The following MLX variants were observed in gnomAD, a reference collection of about 807,000 sequenced individuals.
MLX encodes MAX dimerization protein MLX.
A neutral mutation model predicts 33.0 loss-of-function variants in MLX; 15 were observed. The ratio of observed to expected loss-of-function variants is 0.45; its 90% CI spans 0.30 to 0.70. MLX has a LOEUF of 0.70. Among genes scored for constraint, MLX ranks in the 30% least tolerant of loss-of-function variants. The probability of loss-of-function intolerance (pLI) is 0.07; values close to 1 mark genes in which losing one functional copy is unlikely to be tolerated. For missense variants in MLX, 285 were observed against 306.3 expected (o/e 0.93, Z 0.52); for synonymous variants, 115 against 115.6 (o/e 0.99, Z 0.03).
At chr17:42,571,425 C>T in intron 7 of MLX, 122 bp from the exon 8 acceptor site, 1 of 1,055,510 alleles carries the variant, frequency 9.5e-7, no homozygotes, top group East Asian at 2.4e-5. Context: ...CCACACCTGG[C>T]CCCCGGGGGG....
intron 4 of MLX, 127 bp from the exon 5 acceptor site, chr17:42,569,077 C>T: frequency 1.6e-6 from 2 of 1,262,790 alleles, no homozygotes; most frequent in Non-Finnish European, 2.3e-6. Flanking sequence ...GGCACAAACA[C>T]CTCCCTTGCA....
Position 42,572,812 on chromosome 17 carries a change from C to A in MLX, c.*1209C>A, listed in dbSNP as rs1238520417. 4 of 866,706 alleles carry A rather than the reference C, an allele frequency of 4.6e-6. No homozygotes were observed. In the South Asian group the frequency reaches 5.6e-5, roughly 12 times the overall value. 53.7% of individuals were successfully genotyped at this position (866,706 alleles called of 1,614,324 possible). A position where few individuals can be genotyped will look rare whatever the true frequency, so the allele number is the denominator to read the frequency against. ...AGCCACCAGCCCTCATCCTCTCTAC[C>A]CAGTGCTCTGGTTTATGCTTGTCTC... On this transcript the variant is annotated 3_prime_UTR_variant, in exon 8 of 8. Coordinates refer to ENST00000435881, the MANE Select transcript of MLX (RefSeq NM_198204.2).
At chr17:42,567,491 T>C in intron 1 of MLX, 128 bp from the exon 2 acceptor site, 1 of 1,514,064 alleles carries the variant, frequency 6.6e-7, no homozygotes, top group Non-Finnish European at 9.0e-7. Flanking sequence ...GCTGTGTGTG[T>C]GCAAGCGCGC....
In MLX at chr17:42,568,415, G is replaced by GGTCT; in HGVS notation, c.80-53_80-50dup. On this transcript the variant is annotated intron_variant, in intron 2 of 7. Coordinates refer to ENST00000435881, the MANE Select transcript of MLX (RefSeq NM_198204.2). ...CCATTGTGTCCTACAGGTGTCTGAGGGTCTGGCAATGTTCCCCACCCCACC... is the reference window on the plus strand; with the variant it reads ...CCATTGTGTCCTACAGGTGTCTGAGGGTCTGTCTGGCAATGTTCCCCACCCCACC... 3 of 1,241,792 alleles carry GGTCT rather than the reference G, an allele frequency of 2.4e-6. No individual in the cohort carries two copies. In the South Asian group the frequency reaches 3.7e-5, roughly 15 times the overall value. 76.9% of individuals were successfully genotyped at this position (1,241,792 alleles called of 1,614,324 possible).
chr17:42,568,748 C>T, intron 3 of MLX, 89 bp from the exon 4 acceptor site: 1 of 1,229,904 alleles, frequency 8.1e-7, no homozygotes, highest in Non-Finnish European at 1.2e-6. Context: ...TCTCTGGACA[C>T]CAGGTTCTTC....
chr17:42,568,907 C>A lies in MLX; in HGVS notation c.240C>A (p.His80Gln). 6.2e-7 allele frequency: 1 copy of A among 1,611,304 alleles called. No individual in the cohort carries two copies. The highest frequency in any genetic ancestry group is 2.2e-5 in the East Asian group (1 of 44,814). ...ESYKDRRRRA[H>Q]TQAEQKRRDA... ...ACAAAGACCGGCGGCGGCGCGCACACACTCAGGCTGAGCAGAAGAGGAGGG... is the reference window on the plus strand; with the variant it reads ...ACAAAGACCGGCGGCGGCGCGCACAAACTCAGGCTGAGCAGAAGAGGAGGG... The change falls in exon 4 of 8, where the codon CAC (histidine) becomes CAA (glutamine). Residue 80 changes from histidine to glutamine, a missense_variant. By Grantham distance (24) the His-to-Gln change is conservative. Coordinates refer to ENST00000435881, the MANE Select transcript of MLX (RefSeq NM_198204.2).
Position 42,572,583 on chromosome 17 carries a change from C to CCAAA in MLX, c.*980_*981insCAAA. 1 of 453,862 alleles carries CCAAA rather than the reference C, an allele frequency of 2.2e-6. No individual in the cohort carries two copies. Among genetic ancestry groups the CCAAA allele is most frequent in the Non-Finnish European group, 4.4e-6 (1 of 226,476 alleles). The allele number at this position is 453,862 out of a possible 1,614,324, so 28.1% of individuals were successfully genotyped here. Reference sequence around the variant, plus strand: ...ATGCTCGTTTTATAGCAACCTCTCTCTACCCTAGTTCTCCAAATTCACTTC... The same window carrying CCAAA: ...ATGCTCGTTTTATAGCAACCTCTCTCCAAATACCCTAGTTCTCCAAATTCACTTC... On this transcript the variant is annotated 3_prime_UTR_variant, in exon 8 of 8. Transcript: ENST00000435881.
intron 6 of MLX, 58 bp downstream of exon 6, chr17:42,569,664 C>T (rs2093022959): frequency 3.0e-6 from 4 of 1,333,146 alleles, no homozygotes; most frequent in Non-Finnish European, 4.3e-6. Context: ...CATTGCACAC[C>T]CTCCCTTGTT....
rs768597835 is a variant in MLX at position 42,572,908 on chromosome 17, T to C, written c.*1305T>C. The C allele has an allele frequency of 6.3e-7, 1 of 1,586,632 alleles. No individual in the cohort carries two copies. The highest frequency in any genetic ancestry group is 1.7e-5 in the Admixed American group (1 of 59,990). On this transcript the variant is annotated 3_prime_UTR_variant, in exon 8 of 8. Transcript: ENST00000435881. Reference sequence around the variant, plus strand: ...AGCCAACCAAAAACAAGGTAGCCAGTGCAAGACATCTCACTCTTCTGACAT... The same window carrying C: ...AGCCAACCAAAAACAAGGTAGCCAGCGCAAGACATCTCACTCTTCTGACAT...
chr17:42,568,482 A>G lies in MLX; in HGVS notation c.92A>G (p.Glu31Gly), dbSNP rs769122835. 1.5e-5 allele frequency: 25 copies of G among 1,613,820 alleles called. No individual in the cohort carries two copies. The highest frequency in any genetic ancestry group is 1.9e-5 in the Non-Finnish European group (22 of 1,179,830). Reference sequence around the variant, plus strand: ...CTCTCTTTTCCAGGGCTTTTTGTAGAAAGCACCCGCAAGGGGAGTGTAGTG... The same window carrying G: ...CTCTCTTTTCCAGGGCTTTTTGTAGGAAGCACCCGCAAGGGGAGTGTAGTG... ...DNSLDPGLFV[E>G]STRKGSVVSR... is the part of the protein sequence containing the mutation. Residue 31 changes from glutamate to glycine, a missense_variant, in exon 3 of 8, where the codon GAA (glutamate) becomes GGA (glycine). Glu to Gly is a moderately conservative substitution (Grantham distance 98, BLOSUM62 -2). Transcript: ENST00000435881.
In MLX at chr17:42,572,299, T is replaced by A; in HGVS notation, c.*696T>A. The A allele has an allele frequency of 2.2e-6, 1 of 447,778 alleles. No homozygotes were observed. Among genetic ancestry groups the A allele is most frequent in the South Asian group, 1.6e-5 (1 of 63,478 alleles). 27.7% of individuals were successfully genotyped at this position (447,778 alleles called of 1,614,324 possible). A position where few individuals can be genotyped will look rare whatever the true frequency, so the allele number is the denominator to read the frequency against. ...TGATGCTGCATGGCAGAGGCAGGTA[T>A]AACACAGCACTACATATTGGAAATT... On this transcript the variant is annotated 3_prime_UTR_variant, in exon 8 of 8. Transcript: ENST00000435881.
intron 4 of MLX, 102 bp downstream of exon 4, chr17:42,569,045 G>T: frequency 7.5e-7 from 1 of 1,326,278 alleles, no homozygotes; most frequent in Non-Finnish European, 1.1e-6. Flanking sequence ...ACCCTAGGGG[G>T]TGGGCAGGTA....
rs1216313810 is a variant in MLX at position 42,568,486 on chromosome 17, C to T, written c.96C>T (p.Ser32=). 3.7e-6 allele frequency: 6 copies of T among 1,613,718 alleles called. No homozygotes were observed. Among genetic ancestry groups the T allele is most frequent in the Middle Eastern group, 1.6e-4 (1 of 6,078 alleles). The stretch of plus-strand genomic sequence containing the variant: ...CTTTTCCAGGGCTTTTTGTAGAAAG[C>T]ACCCGCAAGGGGAGTGTAGTGTCCA... The part of the protein sequence containing the change: ...NSLDPGLFVE[S]TRKGSVVSRA... The change falls in exon 3 of 8, where the codon AGC becomes AGT. Residue 32 remains serine (S), a synonymous_variant. Coordinates refer to ENST00000435881, the MANE Select transcript of MLX (RefSeq NM_198204.2).
At chr17:42,569,086 C>T in intron 4 of MLX, 118 bp from the exon 5 acceptor site, 1 of 1,267,782 alleles carries the variant, frequency 7.9e-7, no homozygotes. Flanking sequence ...ACCTCCCTTG[C>T]AGCCTTCCCA....
At chr17:42,568,617 CCTTTCCTAG>C in intron 3 of MLX, 58 bp downstream of exon 3, 1 of 1,488,960 alleles carries the variant, frequency 6.7e-7, no homozygotes, top group Non-Finnish European at 9.4e-7. Flanking sequence ...AATTGTAGTA[CCTTTCCTAG>C]ACAGGGAAGC....
chr17:42,569,010 C>G, intron 4 of MLX, 67 bp downstream of exon 4: 1 of 1,507,972 alleles, frequency 6.6e-7, no homozygotes. Context: ...TCCCTGTGCC[C>G]TGACCCACTC....
rs987400901 is a variant in MLX, at chr17:42,572,505, C to G, written c.*902C>G. The G allele has an allele frequency of 4.4e-6, 2 of 454,236 alleles. No homozygotes were observed. Among genetic ancestry groups the G allele is most frequent in the Non-Finnish European group, 8.8e-6 (2 of 226,750 alleles). The allele number at this position is 454,236 out of a possible 1,614,324, so 28.1% of individuals were successfully genotyped here. A position where few individuals can be genotyped will look rare whatever the true frequency, so the allele number is the denominator to read the frequency against. Reference sequence around the variant, plus strand: ...AGCGTACAAAAGATACTTAAAAGGGCTCCTGGGGTACACAAGCCCAGCAGG... The same window carrying G: ...AGCGTACAAAAGATACTTAAAAGGGGTCCTGGGGTACACAAGCCCAGCAGG... On this transcript the variant is annotated 3_prime_UTR_variant, in exon 8 of 8. Transcript: ENST00000435881.
rs1334105516 is a variant in MLX, at chr17:42,569,492, T to C, written c.377-15T>C. The C allele has an allele frequency of 1.2e-6, 2 of 1,608,868 alleles. No individual in the cohort carries two copies. The highest frequency in any genetic ancestry group is 2.7e-5 in the African/African-American group (2 of 74,760). ...TACTTCTGTACCTGTCCTTTTTTTC[T>C]TGCCCCCACCCTAGCCATTGACTAC... is the stretch of plus-strand genomic sequence containing the variant. On this transcript the variant is annotated splice_polypyrimidine_tract_variant and intron_variant, in intron 5 of 7. Transcript: ENST00000435881.
chr17:42,571,415 C>T, intron 7 of MLX, 132 bp from the exon 8 acceptor site: 2 of 948,906 alleles, frequency 2.1e-6, no homozygotes, highest in Non-Finnish European at 1.7e-6. Flanking sequence ...GCGTGAGCCA[C>T]CACACCTGGC....
Sources: gnomAD v4.1 joint callset for allele counts on GRCh38, gnomAD v4.1.1 for gene constraint, MANE v1.5 for transcripts, NCBI Gene and HGNC (gene_info 2026-07-23, HGNC 2026-07-21) for gene names.